The following HCN1 variants were observed in gnomAD, a reference collection of about 807,000 sequenced individuals.
HCN1 encodes hyperpolarization activated cyclic nucleotide gated potassium channel 1, also known as potassium/sodium hyperpolarization-activated cyclic nucleotide-gated channel 1.
A neutral mutation model predicts 78.9 loss-of-function variants in HCN1; 13 were observed. The ratio of observed to expected loss-of-function variants is 0.16; its 90% CI spans 0.11 to 0.26. HCN1 has a LOEUF of 0.26. HCN1 is among the 10% of genes least tolerant of loss of function. The pLI is 1.00. For synonymous variants in HCN1, 552 were observed against 455.5 expected (o/e 1.21, Z -2.70); for missense variants, 810 against 1,154.3 (o/e 0.70, Z 4.32).
At chr5:45,672,778 G>T (rs2112077696) in intron 1 of HCN1, among the ~76,000 whole-genome samples, 1 of 151,226 alleles carries the variant, frequency 6.6e-6, no homozygotes, top group Admixed American at 6.6e-5. Flanking sequence ...AATTAATTCT[G>T]CCCTGAGTCT....
At chr5:45,294,727 C>T (rs1474705346) in intron 6 of HCN1, among the ~76,000 whole-genome samples, 1 of 151,896 alleles carries the variant, frequency 6.6e-6, no homozygotes, top group Non-Finnish European at 1.5e-5. Flanking sequence ...ATAGCATGGT[C>T]ATATAAAACA....
intron 5 of HCN1, among the ~76,000 whole-genome samples, chr5:45,327,414 AAT>A (rs1254110139): frequency 2.6e-5 from 4 of 151,674 alleles, no homozygotes; most frequent in Non-Finnish European, 4.4e-5. Flanking sequence ...CACATAAATT[AAT>A]TTTCATTATT....
chr5:45,443,773 C>G, intron 3 of HCN1, among the ~76,000 whole-genome samples: 1 of 151,946 alleles, frequency 6.6e-6, no homozygotes, highest in East Asian at 1.9e-4. Flanking sequence ...TAGAAACTGA[C>G]AAATAGTTAA....
intron 6 of HCN1, among the ~76,000 whole-genome samples, chr5:45,295,493 G>A (rs1012554554): frequency 6.6e-6 from 1 of 151,800 alleles, no homozygotes; most frequent in Admixed American, 6.6e-5. Flanking sequence ...TGGATGAGGT[G>A]GTGCATGAGT....
At chr5:45,317,356 C>T (rs948756777) in intron 5 of HCN1, among the ~76,000 whole-genome samples, 6 of 152,272 alleles carry the variant, frequency 3.9e-5, no homozygotes, top group East Asian at 1.9e-4. Flanking sequence ...GGAAAACTGG[C>T]TAGTCATATG....
chr5:45,301,834 A>G (rs1331560004), intron 6 of HCN1, among the ~76,000 whole-genome samples: 1 of 152,086 alleles, frequency 6.6e-6, no homozygotes, highest in East Asian at 1.9e-4. Flanking sequence ...GCAGATTTAA[A>G]TCAACAATAA....
At chr5:45,431,195 A>G (rs1228133844) in intron 3 of HCN1, among the ~76,000 whole-genome samples, 1 of 152,146 alleles carries the variant, frequency 6.6e-6, no homozygotes, top group Non-Finnish European at 1.5e-5. Flanking sequence ...AATGATTAGT[A>G]ATGTTGAATA....
chr5:45,440,017 A>T (rs1395639387), intron 3 of HCN1, among the ~76,000 whole-genome samples: 1 of 148,546 alleles, frequency 6.7e-6, no homozygotes, highest in East Asian at 1.9e-4. Context: ...TGTATTATAT[A>T]GTATCATATA....
At position 45,439,177 on chromosome 5, in the gene HCN1, G is replaced by A. The variant is rs1387370337; in HGVS notation, c.1011+22669C>T. On this transcript the variant is annotated intron_variant, in intron 3 of 7. Coordinates refer to ENST00000303230, the MANE Select transcript of HCN1 (RefSeq NM_021072.4). The stretch of plus-strand genomic sequence containing the variant: ...TCTTGTTTATTTTCAAGTACCAATA[G>A]CCCATTAAAATTTCACTGGAAGGTC... Among the ~76,000 whole-genome samples, 3 of 151,824 alleles carry A rather than the reference G, an allele frequency of 2.0e-5. No individual in the cohort carries two copies. In the East Asian group the frequency reaches 5.8e-4, roughly 29 times the overall value.
intron 6 of HCN1, among the ~76,000 whole-genome samples, chr5:45,271,132 C>T (rs931507381): frequency 8.6e-5 from 13 of 152,018 alleles, no homozygotes; most frequent in Non-Finnish European, 1.5e-4. Flanking sequence ...GCTCTTAACC[C>T]AAAGGTTTTC....
At chr5:45,499,460 G>T (rs186598655) in intron 2 of HCN1, among the ~76,000 whole-genome samples, 1 of 152,122 alleles carries the variant, frequency 6.6e-6, no homozygotes, top group Non-Finnish European at 1.5e-5. Context: ...TGCACGGTGC[G>T]TGGACCCACT....
At chr5:45,502,374 C>T (rs1017643631) in intron 2 of HCN1, among the ~76,000 whole-genome samples, 2 of 151,196 alleles carry the variant, frequency 1.3e-5, no homozygotes, top group South Asian at 2.1e-4. Context: ...CCCAGCTACT[C>T]GGGAGGCTGA....
At chr5:45,649,720 T>C (rs1236291590) in intron 1 of HCN1, among the ~76,000 whole-genome samples, 1 of 152,152 alleles carries the variant, frequency 6.6e-6, no homozygotes, top group East Asian at 1.9e-4. Context: ...TTGTCTTCTA[T>C]ATATTTTCTG....
At chr5:45,543,480 A>G (rs1579959128) in intron 2 of HCN1, among the ~76,000 whole-genome samples, 1 of 152,006 alleles carries the variant, frequency 6.6e-6, no homozygotes, top group East Asian at 1.9e-4. Context: ...ACACCATTGA[A>G]AATATAATCT....
chr5:45,402,849 T>TTCCC (rs1561141812), intron 3 of HCN1, among the ~76,000 whole-genome samples: 2 of 147,610 alleles, frequency 1.4e-5, no homozygotes, highest in Admixed American at 6.8e-5. Context: ...CCTTCCTTCC[T>TTCCC]TCCTTCCTTC....
chr5:45,328,568 G>A (rs1482557008), intron 5 of HCN1, among the ~76,000 whole-genome samples: 2 of 151,634 alleles, frequency 1.3e-5, no homozygotes, highest in African/African-American at 4.8e-5. Flanking sequence ...CAGTTTACCT[G>A]ATAACCAAGA....
intron 5 of HCN1, among the ~76,000 whole-genome samples, chr5:45,325,839 T>A (rs1746224176): frequency 6.6e-6 from 1 of 151,714 alleles, no homozygotes; most frequent in Non-Finnish European, 1.5e-5. Flanking sequence ...CAGATTTATA[T>A]TTGCACTATA....
chr5:45,386,487 C>A (rs529581095), intron 4 of HCN1, among the ~76,000 whole-genome samples: 27 of 152,220 alleles, frequency 1.8e-4, no homozygotes, highest in African/African-American at 6.5e-4. Flanking sequence ...CCAACCTTTT[C>A]TCTTTCTCTT....
At chr5:45,435,388 A>G (rs1740542406) in intron 3 of HCN1, among the ~76,000 whole-genome samples, 1 of 152,170 alleles carries the variant, frequency 6.6e-6, no homozygotes. Flanking sequence ...CCTCTGAAAC[A>G]TCAGTCATTC....
Sources: allele counts gnomAD v4.1 joint callset (sites outside exome capture counted in the v4.1 genomes callset), GRCh38; gene constraint gnomAD v4.1.1; transcripts MANE v1.5; gene names NCBI Gene and HGNC (gene_info 2026-07-23, HGNC 2026-07-21).